The following SOX6 variants were observed in gnomAD, a reference collection of about 807,000 sequenced individuals.
SOX6 encodes the protein SRY-box transcription factor 6.
A neutral mutation model predicts 97.8 loss-of-function variants in SOX6; 11 were observed. The observed-to-expected ratio is 0.11, with a 90% CI of 0.07 to 0.19. The LOEUF (loss-of-function observed/expected upper bound fraction) is 0.19. SOX6 is among the 10% of genes least tolerant of loss of function. The pLI, the probability that SOX6 is intolerant of heterozygous loss-of-function variation, is 1.00. For missense variants in SOX6, 810 were observed against 1,039.5 expected (o/e 0.78, Z 3.04); for synonymous variants, 360 against 371.4 (o/e 0.97, Z 0.35).
rs139169521 is a variant in SOX6 at position 16,461,671 on chromosome 11, T to C, written c.-5+14644A>G. Among the ~76,000 whole-genome samples, 454 of 152,236 alleles carry C rather than the reference T, an allele frequency of 3.0e-3. 1 individual carries two copies. The highest frequency in any genetic ancestry group is 5.4e-3 in the Non-Finnish European group (365 of 67,990). On this transcript the variant is annotated intron_variant, in intron 1 of 15. Coordinates refer to the SOX6 transcript ENST00000396356. Reference sequence around the variant, plus strand: ...CCAACTCTCAGAGAACATGAAAAAGTCATTTCTTAATGTACTTCCTCTTAA... The same window carrying C: ...CCAACTCTCAGAGAACATGAAAAAGCCATTTCTTAATGTACTTCCTCTTAA...
At chr11:16,724,532 C>T (rs1167920541) in intron 2 of SOX6, among the ~76,000 whole-genome samples, 1 of 151,720 alleles carries the variant, frequency 6.6e-6, no homozygotes, top group Non-Finnish European at 1.5e-5. Context: ...CCAGCAGCAG[C>T]AACATCTGAG....
chr11:16,262,847 A>C lies in SOX6; in HGVS notation c.446-28176T>G, dbSNP rs376261046. 5.3e-5 allele frequency among the ~76,000 whole-genome samples: 8 copies of C among 152,148 alleles called. No homozygotes were observed. The East Asian group carries it at 1.2e-3, about 22-fold the overall frequency. ...GGTCTTTCCTGAGTTTGATGTAAGAATCTTAAAAAGCAAAATAGTTAGTGG... is the reference window on the plus strand; with the variant it reads ...GGTCTTTCCTGAGTTTGATGTAAGACTCTTAAAAAGCAAAATAGTTAGTGG... On this transcript the variant is annotated intron_variant, in intron 3 of 15. Coordinates refer to ENST00000683767, the MANE Select transcript of SOX6 (RefSeq NM_001367873.1).
intron 4 of SOX6, among the ~76,000 whole-genome samples, chr11:16,541,470 A>G (rs997698627): frequency 6.6e-6 from 1 of 152,214 alleles, no homozygotes; most frequent in Admixed American, 6.5e-5. Context: ...AAATAGACAA[A>G]TGGATCTAAT....
intron 1 of SOX6, among the ~76,000 whole-genome samples, chr11:16,454,418 CTCAG>C (rs1859776347): frequency 6.6e-6 from 1 of 151,954 alleles, no homozygotes; most frequent in Non-Finnish European, 1.5e-5. Flanking sequence ...AAGCAGGGTG[CTCAG>C]TCATTCATAA....
Position 16,605,720 on chromosome 11 carries a change from A to C in SOX6, n.609+6361T>G, listed in dbSNP as rs1421164873. On this transcript the variant is annotated intron_variant and non_coding_transcript_variant, in intron 4 of 5. Transcript: ENST00000524520. This position sits in a 1 kb window ranked among gnomAD's most constrained non-coding sequence, Gnocchi z 5.3. ...CCCCACAAACAGCCTAAGTTTCCAA[A>C]CCGAAATGGGGGTGGGGTGGGGGTA... is the stretch of plus-strand genomic sequence containing the variant. 6.6e-6 allele frequency among the ~76,000 whole-genome samples: 1 copy of C among 151,308 alleles called. No individual in the cohort carries two copies. The highest frequency in any genetic ancestry group is 2.0e-4 in the East Asian group (1 of 5,076).
At chr11:16,149,436 G>T (rs1177577798) in intron 6 of SOX6, among the ~76,000 whole-genome samples, 4 of 152,000 alleles carry the variant, frequency 2.6e-5, no homozygotes, top group African/African-American at 9.7e-5. Context: ...TACATTCCAG[G>T]AAGAAAACAC....
At chr11:16,663,097 C>T (rs1254959091) in intron 3 of SOX6, among the ~76,000 whole-genome samples, 1 of 151,102 alleles carries the variant, frequency 6.6e-6, no homozygotes, top group Non-Finnish European at 1.5e-5. Context: ...TCTCCTCAAT[C>T]TTATAAAAGG....
intron 13 of SOX6, among the ~76,000 whole-genome samples, chr11:16,008,595 C>G (rs1328184657): frequency 6.6e-6 from 1 of 152,062 alleles, no homozygotes. Flanking sequence ...AGAATCTTGA[C>G]ATTTCACTAT....
intron 3 of SOX6, among the ~76,000 whole-genome samples, chr11:16,266,696 T>C (rs1854092359): frequency 6.6e-6 from 1 of 151,590 alleles, no homozygotes; most frequent in Non-Finnish European, 1.5e-5. Flanking sequence ...GTGTAAATAC[T>C]ATGAACATCT....
At chr11:16,115,863 G>A (rs1327593304) in intron 6 of SOX6, among the ~76,000 whole-genome samples, 1 of 152,106 alleles carries the variant, frequency 6.6e-6, no homozygotes, top group Non-Finnish European at 1.5e-5. Flanking sequence ...TACTATGAAT[G>A]CTGTTCAATT....
intron 1 of SOX6, among the ~76,000 whole-genome samples, chr11:16,385,217 TC>T (rs1240934563): frequency 6.6e-6 from 1 of 152,086 alleles, no homozygotes; most frequent in Non-Finnish European, 1.5e-5. Context: ...GCTTCCCTGA[TC>T]CCAATTAATA....
Position 16,246,129 on chromosome 11 carries a change from A to C in SOX6, c.446-11458T>G, listed in dbSNP as rs565102453. On this transcript the variant is annotated intron_variant, in intron 3 of 15. Transcript: ENST00000683767. ...ATTATATGCATCTTTAACTTACAAC[A>C]GTCTACCTTCAATAATATACCATTT... Among the ~76,000 whole-genome samples, 63 of 151,556 alleles carry C rather than the reference A, an allele frequency of 4.2e-4. 1 individual carries two copies. The South Asian group carries it at 7.1e-3, about 17-fold the overall frequency.
chr11:16,621,057 T>G (rs1259216686), intron 3 of SOX6, among the ~76,000 whole-genome samples: 1 of 152,212 alleles, frequency 6.6e-6, no homozygotes, highest in African/African-American at 2.4e-5. Context: ...TGGAAGAGCA[T>G]GGAGATTTTT....
chr11:16,003,567 C>G (rs962406607), intron 13 of SOX6, among the ~76,000 whole-genome samples: 20 of 151,968 alleles, frequency 1.3e-4, no homozygotes, highest in African/African-American at 4.8e-4. Flanking sequence ...AGCTGCTTAT[C>G]CTTATCCCCA....
chr11:16,404,898 A>C (rs113791008), intron 1 of SOX6, among the ~76,000 whole-genome samples: 249 of 152,092 alleles, frequency 1.6e-3, no homozygotes, highest in Non-Finnish European at 2.0e-3. Context: ...GCTCTTTTTA[A>C]TCTTTTCCTT....
At chr11:16,279,075 T>G (rs1040458251) in intron 3 of SOX6, among the ~76,000 whole-genome samples, 1 of 152,104 alleles carries the variant, frequency 6.6e-6, no homozygotes, top group Non-Finnish European at 1.5e-5. Flanking sequence ...GCAGGACTCT[T>G]GATACTTTCA....
At chr11:16,388,772 A>G (rs1258191628) in intron 1 of SOX6, among the ~76,000 whole-genome samples, 2 of 152,122 alleles carry the variant, frequency 1.3e-5, no homozygotes, top group Non-Finnish European at 2.9e-5. Flanking sequence ...TGGTCTTTAC[A>G]AAAGAAAAAC....
chr11:16,117,386 C>A (rs372503993), intron 6 of SOX6, among the ~76,000 whole-genome samples: 1,890 of 146,812 alleles, frequency 0.013, 40 homozygotes, highest in African/African-American at 0.043. Context: ...AACAAACAAA[C>A]AAAAAACAAG....
intron 6 of SOX6, among the ~76,000 whole-genome samples, chr11:16,158,338 G>A (rs765954518): frequency 1.8e-4 from 27 of 151,684 alleles, no homozygotes; most frequent in Admixed American, 8.6e-4. Context: ...TGTGGCTTTC[G>A]TAGGGTATGA....
Sources: allele counts gnomAD v4.1 joint callset (sites outside exome capture counted in the v4.1 genomes callset), GRCh38; gene constraint gnomAD v4.1.1; non-coding constraint Gnocchi (gnomAD v3.1); transcripts MANE v1.5; gene names NCBI Gene and HGNC (gene_info 2026-07-23, HGNC 2026-07-21).